Variants in QSOX2 observed in about 807,000 individuals in gnomAD.
QSOX2 encodes the protein quiescin sulfhydryl oxidase 2.
A neutral mutation model predicts 61.7 loss-of-function variants in QSOX2; 46 were observed. That is an observed-to-expected ratio of 0.75 (90% confidence interval 0.59 to 0.95). QSOX2 has a LOEUF of 0.95. Among genes scored for constraint, QSOX2 ranks in the 40% least tolerant of loss-of-function variants. The pLI is 0.00. For synonymous variants in QSOX2, 383 were observed against 388.4 expected (o/e 0.99, Z 0.16); for missense variants, 879 against 918.9 (o/e 0.96, Z 0.56).
In QSOX2 at chr9:136,245,527, G is replaced by T; in HGVS notation, c.277C>A (p.His93Asn). ...CAAGTGGGCGCGTAGCCGATGCAGT[G>T]GCCACACCACGACGAGTAGAACTGC... ...LVQFYSSWCG[H>N]CIGYAPTWRA... Residue 93 changes from histidine (H) to asparagine (N), a missense_variant, in exon 1 of 12, where the codon CAC becomes AAC. Physicochemically the swap from His to Asn is moderately conservative, Grantham distance 68. Transcript: ENST00000358701. 6.3e-7 allele frequency: 1 copy of T among 1,594,340 alleles called. No homozygotes were observed. Among genetic ancestry groups the T allele is most frequent in the African/African-American group, 1.3e-5 (1 of 74,102 alleles).
At chr9:136,243,761 G>C (rs116487261) in intron 1 of QSOX2, among the ~76,000 whole-genome samples, 1 of 152,306 alleles carries the variant, frequency 6.6e-6, no homozygotes, top group African/African-American at 2.4e-5. Flanking sequence ...CCCTCTCCCT[G>C]CTGCCTGGTC....
At chr9:136,219,620 G>C (rs138994791) in intron 6 of QSOX2, among the ~76,000 whole-genome samples, 1 of 152,058 alleles carries the variant, frequency 6.6e-6, no homozygotes, top group Admixed American at 6.5e-5. Context: ...AGCTCCCTGC[G>C]TGCCCACCCT....
At chr9:136,234,338 T>C (rs950300743) in intron 1 of QSOX2, among the ~76,000 whole-genome samples, 3 of 152,200 alleles carry the variant, frequency 2.0e-5, no homozygotes, top group Non-Finnish European at 2.9e-5. Context: ...GCAGGTTATA[T>C]ACACATTTTT....
At chr9:136,244,778 G>T (rs968134177) in intron 1 of QSOX2, among the ~76,000 whole-genome samples, 1 of 152,222 alleles carries the variant, frequency 6.6e-6, no homozygotes, top group Non-Finnish European at 1.5e-5. Flanking sequence ...GCAGTTTGGT[G>T]AAAGATTTCT....
chr9:136,236,257 CTG>C (rs1830380528), intron 1 of QSOX2, among the ~76,000 whole-genome samples: 1 of 152,266 alleles, frequency 6.6e-6, no homozygotes, highest in African/African-American at 2.4e-5. Flanking sequence ...ACAGGACTGG[CTG>C]CTGCCCAAGG....
Position 136,208,912 on chromosome 9 carries a change from C to A in QSOX2, c.1913G>T (p.Gly638Val). The A allele has an allele frequency of 6.2e-7, 1 of 1,613,952 alleles. No individual in the cohort carries two copies. The highest frequency in any genetic ancestry group is 8.5e-7 in the Non-Finnish European group (1 of 1,179,996). The change falls in exon 12 of 12, where the codon GGG becomes GTG. Residue 638 changes from glycine (G) to valine (V), a missense_variant. Gly to Val is a moderately radical substitution (Grantham distance 109). Transcript: ENST00000358701. ...GCCCACCTCCTTGTGGGCCCCGGGC[C>A]CATCCAGACTCTGGAGTTTCCCGTC... ...SLDGKLQSLD[G>V]PGAHKEVGGA... is the part of the protein sequence containing the mutation.
At chr9:136,226,746 A>G (rs1454537026) in intron 2 of QSOX2, 28 bp downstream of exon 2, 3 of 1,581,348 alleles carry the variant, frequency 1.9e-6, no homozygotes, top group Non-Finnish European at 2.6e-6. Context: ...GGTGAATTTC[A>G]ACGGACAAGC....
intron 2 of QSOX2, among the ~76,000 whole-genome samples, chr9:136,226,527 AC>A (rs1830283263): frequency 6.6e-6 from 1 of 152,060 alleles, no homozygotes; most frequent in Non-Finnish European, 1.5e-5. Context: ...CCTCCATGTG[AC>A]CGGGTCTGTG....
chr9:136,244,229 C>T (rs1830453283), intron 1 of QSOX2, among the ~76,000 whole-genome samples: 1 of 152,098 alleles, frequency 6.6e-6, no homozygotes, highest in Non-Finnish European at 1.5e-5. Context: ...GTCTAAAAAC[C>T]CCACTGAACA....
At position 136,207,146 on chromosome 9, in the gene QSOX2, A is replaced by C. The variant is rs1209950079; in HGVS notation, c.*1582T>G. On this transcript the variant is annotated 3_prime_UTR_variant, in exon 12 of 12. Transcript: ENST00000358701. ...ACCAGACACCTCTCCCGCCAGCTGC[A>C]GGGCCCTGGGCAGCGTTCTCAGCCC... The C allele has an allele frequency of 6.6e-6, 1 of 152,226 alleles. No individual in the cohort carries two copies. The highest frequency in any genetic ancestry group is 1.5e-5 in the Non-Finnish European group (1 of 68,032). The allele number at this position is 152,226 out of a possible 1,614,324, so 9.4% of individuals were successfully genotyped here.
At chr9:136,211,480 C>CAT (rs1831844912) in intron 10 of QSOX2, 28 bp from the exon 11 acceptor site, 2 of 1,607,772 alleles carry the variant, frequency 1.2e-6, no homozygotes, top group African/African-American at 2.7e-5. Context: ...CTGCTGACAA[C>CAT]GGCAGGTGCG....
At position 136,208,944 on chromosome 9, in the gene QSOX2, G is replaced by C; in HGVS notation, c.1881C>G (p.His627Gln). The C allele has an allele frequency of 1.9e-6, 3 of 1,613,738 alleles. No individual in the cohort carries two copies. Among genetic ancestry groups the C allele is most frequent in the Non-Finnish European group, 2.5e-6 (3 of 1,179,840 alleles). Reference sequence around the variant, plus strand: ...GACTCTGGAGTTTCCCGTCCAAGCTGTGATGCAAGCTCTCTGGAAGGGCAG... The same window carrying C: ...GACTCTGGAGTTTCCCGTCCAAGCTCTGATGCAAGCTCTCTGGAAGGGCAG... ...PRPALPESLH[H>Q]SLDGKLQSLD... Residue 627 changes from histidine to glutamine, a missense_variant, in exon 12 of 12, where the codon CAC becomes CAG. By Grantham distance (24) the His-to-Gln change is conservative (BLOSUM62 0). Coordinates refer to ENST00000358701, the MANE Select transcript of QSOX2 (RefSeq NM_181701.4).
At position 136,223,300 on chromosome 9, in the gene QSOX2, C is replaced by G. The variant is rs1055025666; in HGVS notation, c.675+463G>C. 6.6e-6 allele frequency among the ~76,000 whole-genome samples: 1 copy of G among 152,138 alleles called. No individual in the cohort carries two copies. The highest frequency in any genetic ancestry group is 1.5e-5 in the Non-Finnish European group (1 of 68,030). ...TCCCTGGACCTTATTTAGACTTGGC[C>G]AGAAGCAAGGCTTCAGAACTGTACG... is the stretch of plus-strand genomic sequence containing the variant. On this transcript the variant is annotated intron_variant, in intron 5 of 11. Coordinates refer to ENST00000358701, the MANE Select transcript of QSOX2 (RefSeq NM_181701.4). This position sits in a 1 kb window ranked among gnomAD's most constrained non-coding sequence, Gnocchi z 4.4.
rs1588630812 is a variant in QSOX2, at chr9:136,208,608, G to C, written c.*120C>G. 1 of 1,205,260 alleles carries C rather than the reference G, an allele frequency of 8.3e-7. No individual in the cohort carries two copies. The highest frequency in any genetic ancestry group is 1.1e-6 in the Non-Finnish European group (1 of 890,086). The allele number at this position is 1,205,260 out of a possible 1,614,324, so 74.7% of individuals were successfully genotyped here. On this transcript the variant is annotated 3_prime_UTR_variant, in exon 12 of 12. Coordinates refer to ENST00000358701, the MANE Select transcript of QSOX2 (RefSeq NM_181701.4). The stretch of plus-strand genomic sequence containing the variant: ...ACTTTGAAGCCAAAAGGTGCCATCC[G>C]ATGTGAAACCAGGCCCGCATGTTTA...
In QSOX2 at chr9:136,219,173, G is replaced by A. The variant is rs769098824; in HGVS notation, c.822-9C>T. The A allele has an allele frequency of 1.9e-6, 3 of 1,611,986 alleles. No homozygotes were observed. In the South Asian group the frequency reaches 3.3e-5, roughly 18 times the overall value. On this transcript the variant is annotated splice_polypyrimidine_tract_variant and intron_variant, in intron 6 of 11. Transcript: ENST00000358701. ...CCCGCAGAGGCTTCACGCTGTGAGA[G>A]AGGGGAGGGCAAAGGTGAGAAGAGC...
In QSOX2 at chr9:136,245,460, C is replaced by A. The variant is rs1588643803; in HGVS notation, c.328+16G>T. 2 of 1,577,458 alleles carry A rather than the reference C, an allele frequency of 1.3e-6. No individual in the cohort carries two copies. Among genetic ancestry groups the A allele is most frequent in the South Asian group, 1.1e-5 (1 of 89,338 alleles). On this transcript the variant is annotated intron_variant, in intron 1 of 11. Transcript: ENST00000358701. ...TCCCGGGGGTCGGGGGGTCCCCGCG[C>A]GGGGGCGCGCCTCACCTCGCACATC...
At chr9:136,228,860 A>G (rs1830305674) in intron 1 of QSOX2, among the ~76,000 whole-genome samples, 1 of 152,340 alleles carries the variant, frequency 6.6e-6, no homozygotes, top group South Asian at 2.1e-4. Context: ...GTCTAAATCA[A>G]TGATTCCACT....
chr9:136,212,058 G>A (rs2131049339), intron 10 of QSOX2, among the ~76,000 whole-genome samples: 1 of 152,354 alleles, frequency 6.6e-6, no homozygotes, highest in Non-Finnish European at 1.5e-5. Flanking sequence ...AGGGACGGGT[G>A]CACCCACAGC....
chr9:136,211,578 GGGCCTCA>G, intron 10 of QSOX2, 126 bp from the exon 11 acceptor site: 1 of 892,212 alleles, frequency 1.1e-6, no homozygotes. Flanking sequence ...GTCTCCCCAG[GGGCCTCA>G]GGCTGTGGGC....
Sources: allele counts gnomAD v4.1 joint callset (sites outside exome capture counted in the v4.1 genomes callset), GRCh38; gene constraint gnomAD v4.1.1; non-coding constraint Gnocchi (gnomAD v3.1); transcripts MANE v1.5; gene names NCBI Gene and HGNC (gene_info 2026-07-23, HGNC 2026-07-21).